The following SNRNP40 variants were observed in gnomAD, a reference collection of about 807,000 sequenced individuals.
SNRNP40 encodes the protein small nuclear ribonucleoprotein U5 subunit 40, also known as U5 small nuclear ribonucleoprotein 40 kDa protein.
In SNRNP40, 21 loss-of-function variants were observed where a neutral mutation model predicts 45.8. The ratio of observed to expected loss-of-function variants is 0.46; its 90% CI spans 0.32 to 0.66. The LOEUF (loss-of-function observed/expected upper bound fraction) is 0.66, where lower values mean the gene tolerates loss of function less well. Among genes scored for constraint, SNRNP40 ranks in the 30% least tolerant of loss-of-function variants. SNRNP40 has a pLI of 0.03. For synonymous variants in SNRNP40, 142 were observed against 163.8 expected, an observed-to-expected ratio of 0.87 and a Z score of 1.01; for missense variants, 344 against 439.1, an observed-to-expected ratio of 0.78 and a Z score of 1.94.
intron 4 of SNRNP40, 61 bp downstream of exon 4, chr1:31,289,192 AG>A: frequency 1.3e-6 from 2 of 1,496,360 alleles, no homozygotes; most frequent in South Asian, 2.5e-5. Context: ...ACAAGTGGCA[AG>A]GCAAGATAAG....
chr1:31,281,529 C>T (rs750469729), intron 4 of SNRNP40, 33 bp from the exon 5 acceptor site: 1 of 1,573,366 alleles, frequency 6.4e-7, no homozygotes, highest in Non-Finnish European at 8.7e-7. Flanking sequence ...CTATCAGCAA[C>T]ATCATTCTAA....
At chr1:31,296,474 GTTTATGTGCTT>G (rs1247215507) in intron 1 of SNRNP40, 126 bp downstream of exon 1, 3 of 1,213,012 alleles carry the variant, frequency 2.5e-6, no homozygotes, top group Non-Finnish European at 3.4e-6. Context: ...CTTTTACAGT[GTTTATGTGCTT>G]TAACTCTGCG....
intron 8 of SNRNP40, among the ~76,000 whole-genome samples, chr1:31,265,691 C>A (rs956650374): frequency 3.3e-5 from 5 of 151,940 alleles, no homozygotes; most frequent in Non-Finnish European, 7.4e-5. Flanking sequence ...ATACAAAAAA[C>A]TAGCCAGGCG....
At chr1:31,264,745 A>G (rs1645884794) in intron 8 of SNRNP40, among the ~76,000 whole-genome samples, 2 of 152,232 alleles carry the variant, frequency 1.3e-5, no homozygotes, top group African/African-American at 2.4e-5. Flanking sequence ...AGGACTATTC[A>G]GAGTTTCAAG....
At chr1:31,287,118 CT>C (rs1279913280) in intron 4 of SNRNP40, among the ~76,000 whole-genome samples, 3 of 152,164 alleles carry the variant, frequency 2.0e-5, no homozygotes, top group Non-Finnish European at 2.9e-5. Context: ...AGCAACATGA[CT>C]TTTTTTCCTC....
chr1:31,267,844 C>CT, intron 8 of SNRNP40, 27 bp downstream of exon 8: 1 of 1,592,962 alleles, frequency 6.3e-7, no homozygotes, highest in Non-Finnish European at 8.6e-7. Flanking sequence ...CTACATCATT[C>CT]TTTACTTTGC....
At chr1:31,282,652 G>GTATCTATCTA (rs1283028596) in intron 4 of SNRNP40, among the ~76,000 whole-genome samples, 5 of 150,110 alleles carry the variant, frequency 3.3e-5, no homozygotes. Context: ...ATGTATCTAT[G>GTATCTATCTA]TGTCTATCTA....
chr1:31,262,915 CTGAT>C (rs1645870153), intron 8 of SNRNP40, among the ~76,000 whole-genome samples: 1 of 151,368 alleles, frequency 6.6e-6, no homozygotes, highest in Admixed American at 6.6e-5. Flanking sequence ...GGTGGGAGGA[CTGAT>C]TGAGTCCAGC....
At chr1:31,295,078 G>T (rs1487026943) in intron 1 of SNRNP40, among the ~76,000 whole-genome samples, 1 of 152,120 alleles carries the variant, frequency 6.6e-6, no homozygotes, top group Non-Finnish European at 1.5e-5. Context: ...AACTATATAT[G>T]TGGTGTCATG....
chr1:31,293,061 G>A, intron 2 of SNRNP40, 158 bp downstream of exon 2: 1 of 708,432 alleles, frequency 1.4e-6, no homozygotes, highest in Non-Finnish European at 2.3e-6. Flanking sequence ...CTACACCCAA[G>A]ATCATTCAGC....
At chr1:31,270,971 G>A (rs1557674817) in intron 6 of SNRNP40, among the ~76,000 whole-genome samples, 1 of 152,164 alleles carries the variant, frequency 6.6e-6, no homozygotes, top group Non-Finnish European at 1.5e-5. Flanking sequence ...AGTGGGGAGG[G>A]AAGACAGACT....
intron 4 of SNRNP40, among the ~76,000 whole-genome samples, chr1:31,283,997 G>A (rs1024461049): frequency 6.6e-6 from 1 of 152,200 alleles, no homozygotes; most frequent in African/African-American, 2.4e-5. Context: ...GCCGAGGCCA[G>A]GAGGATGGCT....
chr1:31,271,407 A>G lies in SNRNP40; in HGVS notation c.747T>C (p.Tyr249=), dbSNP rs766775434. The G allele has an allele frequency of 2.6e-5, 42 of 1,613,900 alleles. No homozygotes were observed. In the East Asian group the frequency reaches 5.8e-4, roughly 22 times the overall value. Residue 249 remains tyrosine (Y), a synonymous_variant, in exon 6 of 10, where the codon TAT becomes TAC. Transcript: ENST00000263694. ...TATTGTCCATTGCATTGGACAAAAG[A>G]TAAGAGCCTTCAGAACTTAAACTCA... is the stretch of plus-strand genomic sequence containing the variant. The part of the protein sequence containing the change: ...TGLSLSSEGS[Y]LLSNAMDNTV...
chr1:31,278,469 T>A (rs368613586), intron 5 of SNRNP40, among the ~76,000 whole-genome samples: 11 of 152,186 alleles, frequency 7.2e-5, no homozygotes, highest in African/African-American at 2.4e-4. Context: ...TAAATTTACA[T>A]GTCTTGAAAA....
chr1:31,270,931 G>A (rs1392851377), intron 6 of SNRNP40, among the ~76,000 whole-genome samples: 2 of 152,176 alleles, frequency 1.3e-5, no homozygotes, highest in African/African-American at 2.4e-5. Flanking sequence ...ATGTTTTAAT[G>A]AAGACCTCTT....
intron 1 of SNRNP40, among the ~76,000 whole-genome samples, chr1:31,296,187 G>T (rs1201645775): frequency 6.6e-6 from 1 of 152,168 alleles, no homozygotes; most frequent in Non-Finnish European, 1.5e-5. Context: ...CTAGTGCAGA[G>T]AAATAAAGGG....
chr1:31,285,266 G>A (rs1282737487), intron 4 of SNRNP40, among the ~76,000 whole-genome samples: 2 of 149,054 alleles, frequency 1.3e-5, no homozygotes, highest in East Asian at 3.9e-4. Context: ...TGAGATGGGA[G>A]TCTCACTCTG....
At position 31,289,286 on chromosome 1, in the gene SNRNP40, C is replaced by T; in HGVS notation, c.499G>A (p.Val167Ile). 12 of 1,614,140 alleles carry T rather than the reference C, an allele frequency of 7.4e-6. No individual in the cohort carries two copies. Among genetic ancestry groups the T allele is most frequent in the Non-Finnish European group, 1.0e-5 (12 of 1,179,990 alleles). Residue 167 changes from valine (V) to isoleucine (I), a missense_variant, in exon 4 of 10, where the codon GTC (valine) becomes ATC (isoleucine). Physicochemically the swap from Val to Ile is conservative, Grantham distance 29. This residue lies in a region of SNRNP40 where 254 missense variants were observed against 380.2 expected (regional missense o/e 0.67). Coordinates refer to ENST00000263694, the MANE Select transcript of SNRNP40 (RefSeq NM_004814.3). The stretch of plus-strand genomic sequence containing the variant: ...GTGCCATCGTCACTGCCAGTGCAGA[C>T]AAGCTGAGGGCCTCTCCTGGCTGGA... ...CYPARRGPQLVCTGSDDGTVK... is the reference protein window; with the variant it reads ...CYPARRGPQLICTGSDDGTVK...
chr1:31,283,929 A>G (rs1646037359), intron 4 of SNRNP40, among the ~76,000 whole-genome samples: 1 of 152,210 alleles, frequency 6.6e-6, no homozygotes, highest in Non-Finnish European at 1.5e-5. Context: ...CTAAAACTAT[A>G]AAATTCTTAG....
Sources: gnomAD v4.1 joint callset for allele counts (sites outside exome capture counted in the v4.1 genomes callset) on GRCh38, gnomAD v4.1.1 for gene constraint, gnomAD v4.1.1 regional missense constraint, MANE v1.5 for transcripts, NCBI Gene and HGNC (gene_info 2026-07-23, HGNC 2026-07-21) for gene names.